Variants in RIMKLB observed in about 807,000 individuals in gnomAD.
RIMKLB encodes beta-citrylglutamate synthase B.
In RIMKLB, 7 loss-of-function variants were observed where a neutral mutation model predicts 32.0. The observed-to-expected ratio is 0.22, with a 90% confidence interval of 0.12 to 0.41. The LOEUF is 0.41. RIMKLB is among the 10% of genes least tolerant of loss of function. The pLI, the probability that RIMKLB is intolerant of heterozygous loss-of-function variation, is 1.00. For synonymous variants in RIMKLB, 172 were observed against 185.1 expected (o/e 0.93, Z 0.57); for missense variants, 289 against 498.7 (o/e 0.58, Z 4.00).
intron 2 of RIMKLB, among the ~76,000 whole-genome samples, chr12:8,720,927 T>C (rs1338976429): frequency 6.6e-6 from 1 of 152,216 alleles, no homozygotes; most frequent in Non-Finnish European, 1.5e-5. Flanking sequence ...TATGTTATGC[T>C]GCCTCAGAGT....
intron 5 of RIMKLB, among the ~76,000 whole-genome samples, chr12:8,763,219 A>G (rs1345799182): frequency 6.6e-6 from 1 of 152,230 alleles, no homozygotes; most frequent in Non-Finnish European, 1.5e-5. Flanking sequence ...TTACTCAGGT[A>G]TGCCACAGGT....
At chr12:8,781,730 C>T (rs1195525680), downstream of RIMKLB, among the ~76,000 whole-genome samples, 1 of 152,176 alleles carries the variant, frequency 6.6e-6, no homozygotes, top group Non-Finnish European at 1.5e-5. Context: ...GTCTGTCTTT[C>T]TCTTCCTCCC....
At chr12:8,703,599 T>A (rs1188806950) in intron 1 of RIMKLB, among the ~76,000 whole-genome samples, 1 of 152,168 alleles carries the variant, frequency 6.6e-6, no homozygotes, top group Non-Finnish European at 1.5e-5. Context: ...GTTGATTTTT[T>A]TGTAGAGATG....
the RIMKLB span, among the ~76,000 whole-genome samples, chr12:8,672,745 G>A: frequency 6.6e-6 from 1 of 152,102 alleles, no homozygotes; most frequent in Non-Finnish European, 1.5e-5. Context: ...GTTTGGAAGT[G>A]TGCTACCTCC....
At chr12:8,694,473 G>A (rs1942829860), upstream of RIMKLB, among the ~76,000 whole-genome samples, 1 of 133,412 alleles carries the variant, frequency 7.5e-6, no homozygotes, top group Non-Finnish European at 1.6e-5. Flanking sequence ...TTGGCTTGCT[G>A]CAACCTCCAC....
At chr12:8,756,684 C>CTTT (rs145312687) in intron 5 of RIMKLB, among the ~76,000 whole-genome samples, 282 of 90,980 alleles carry the variant, frequency 3.1e-3, no homozygotes, top group Middle Eastern at 8.3e-3. Context: ...TTACTTTCTA[C>CTTT]TTTTTTTTTT....
intron 2 of RIMKLB, among the ~76,000 whole-genome samples, chr12:8,717,150 G>C (rs1018179509): frequency 3.3e-5 from 5 of 150,906 alleles, no homozygotes; most frequent in African/African-American, 1.2e-4. Context: ...TGCAGATGAG[G>C]AAACAGCCTC....
chr12:8,679,748 A>T (rs578214752), upstream of RIMKLB: 1 of 152,210 alleles, frequency 6.6e-6, no homozygotes, highest in South Asian at 2.1e-4. Flanking sequence ...AAAAACCAAG[A>T]AAAAGATTTC....
chr12:8,722,981 A>G (rs1945613875), intron 2 of RIMKLB, among the ~76,000 whole-genome samples: 2 of 152,262 alleles, frequency 1.3e-5, no homozygotes, highest in African/African-American at 4.8e-5. Flanking sequence ...CCAGACCACT[A>G]AAACTTTCTC....
At chr12:8,692,754 G>A (rs1942768133), upstream of RIMKLB, among the ~76,000 whole-genome samples, 1 of 152,194 alleles carries the variant, frequency 6.6e-6, no homozygotes. Flanking sequence ...GGTGGAGAAA[G>A]GCTAGATCAG....
chr12:8,750,099 C>T lies in RIMKLB; in HGVS notation c.406+7C>T, dbSNP rs767490442. The T allele has an allele frequency of 6.4e-7, 1 of 1,564,886 alleles. No homozygotes were observed. The highest frequency in any genetic ancestry group is 1.1e-5 in the South Asian group (1 of 90,004). On this transcript the variant is annotated splice_region_variant and intron_variant, in intron 3 of 5. Coordinates refer to ENST00000535829, the MANE Select transcript of RIMKLB (RefSeq NM_001297776.2). ...CCGGATACTTTCTCTTATGGTGAGC[C>T]TACTAAAGAGCATACATAGCCTGAA...
At chr12:8,669,675 G>A in the RIMKLB span, among the ~76,000 whole-genome samples, 4 of 151,796 alleles carry the variant, frequency 2.6e-5, no homozygotes, top group Non-Finnish European at 5.9e-5. Flanking sequence ...GAAATGAAAA[G>A]AAAAAATAAA....
In RIMKLB at chr12:8,776,366, C is replaced by G; in HGVS notation, c.*2582C>G. On this transcript the variant is annotated 3_prime_UTR_variant, in exon 6 of 6. Coordinates refer to ENST00000535829, the MANE Select transcript of RIMKLB (RefSeq NM_001297776.2). Reference sequence around the variant, plus strand: ...TCAAGATTGAGGTAGAGAATAAGAGCAAATCATTCTGGAAGTACCTTAAGG... The same window carrying G: ...TCAAGATTGAGGTAGAGAATAAGAGGAAATCATTCTGGAAGTACCTTAAGG... The G allele has an allele frequency of 4.1e-6, 4 of 983,042 alleles. No homozygotes were observed. Among genetic ancestry groups the G allele is most frequent in the Non-Finnish European group, 4.8e-6 (4 of 827,816 alleles). The allele number at this position is 983,042 out of a possible 1,614,324, so 60.9% of individuals were successfully genotyped here. A position where few individuals can be genotyped will look rare whatever the true frequency, so the allele number is the denominator to read the frequency against.
Position 8,718,945 on chromosome 12 carries a change from A to G in RIMKLB, c.175+4904A>G, listed in dbSNP as rs1319032043. On this transcript the variant is annotated intron_variant, in intron 2 of 5. Coordinates refer to ENST00000535829, the MANE Select transcript of RIMKLB (RefSeq NM_001297776.2). Reference sequence around the variant, plus strand: ...TTCTATAGTCTGTGGCTTTGGGCAAATGCATAATTACATGTATCCACCACT... The same window carrying G: ...TTCTATAGTCTGTGGCTTTGGGCAAGTGCATAATTACATGTATCCACCACT... 2.0e-5 allele frequency among the ~76,000 whole-genome samples: 3 copies of G among 152,122 alleles called. No homozygotes were observed. In the East Asian group the frequency reaches 5.8e-4, roughly 29 times the overall value.
chr12:8,672,814 G>A, the RIMKLB span, among the ~76,000 whole-genome samples: 17 of 152,212 alleles, frequency 1.1e-4, no homozygotes, highest in Admixed American at 2.0e-4. Flanking sequence ...TTTGCCTTCC[G>A]TCATGAGTAA....
Position 8,773,852 on chromosome 12 carries a change from A to C in RIMKLB, c.*68A>C. 6.5e-7 allele frequency: 1 copy of C among 1,531,356 alleles called. No homozygotes were observed. Among genetic ancestry groups the C allele is most frequent in the South Asian group, 1.3e-5 (1 of 77,886 alleles). 94.9% of individuals were successfully genotyped at this position (1,531,356 alleles called of 1,614,324 possible). On this transcript the variant is annotated 3_prime_UTR_variant, in exon 6 of 6. Coordinates refer to ENST00000535829, the MANE Select transcript of RIMKLB (RefSeq NM_001297776.2). The stretch of plus-strand genomic sequence containing the variant: ...TTCTTCTTTTCTATTTTTAAAACCA[A>C]CTTGCAATGCTGTTCATGGAGGATG...
In RIMKLB at chr12:8,776,142, A is replaced by T. The variant is rs1179809097; in HGVS notation, c.*2358A>T. 2 of 985,104 alleles carry T rather than the reference A, an allele frequency of 2.0e-6. No homozygotes were observed. Among genetic ancestry groups the T allele is most frequent in the Admixed American group, 1.2e-4 (2 of 16,266 alleles). The allele number at this position is 985,104 out of a possible 1,614,324, so 61.0% of individuals were successfully genotyped here. A position where few individuals can be genotyped will look rare whatever the true frequency, so the allele number is the denominator to read the frequency against. On this transcript the variant is annotated 3_prime_UTR_variant, in exon 6 of 6. Transcript: ENST00000535829. ...CATGTTTGTGTTGGTGGGGTAAGGC[A>T]TCAGGAAAAATGTAGTTAGTCTTTT...
intron 2 of RIMKLB, chr12:8,742,284 G>A (rs1388908335): frequency 6.4e-6 from 1 of 156,584 alleles, no homozygotes; most frequent in Non-Finnish European, 1.4e-5. Flanking sequence ...AGAAGGGAAA[G>A]CATGTGGATT....
intron 2 of RIMKLB, among the ~76,000 whole-genome samples, chr12:8,720,557 T>TGC (rs993678533): frequency 3.4e-4 from 52 of 152,314 alleles, no homozygotes; most frequent in African/African-American, 1.1e-3. Flanking sequence ...TGTGTGTGTG[T>TGC]GCGACACGGA....
Sources: gnomAD v4.1 joint callset for allele counts (sites outside exome capture counted in the v4.1 genomes callset) on GRCh38, gnomAD v4.1.1 for gene constraint, MANE v1.5 for transcripts, NCBI Gene and HGNC (gene_info 2026-07-23, HGNC 2026-07-21) for gene names.